Variants in SREBF2 observed in about 807,000 individuals in gnomAD.
SREBF2 encodes sterol regulatory element-binding protein 2.
A neutral mutation model predicts 113.1 loss-of-function variants in SREBF2; 55 were observed. That is an observed-to-expected ratio of 0.49 (90% CI 0.39 to 0.61). The LOEUF is 0.61. Ranked by LOEUF, SREBF2 falls within the 20% of genes least tolerant of loss-of-function variation. The pLI is 0.00. For synonymous variants in SREBF2, 593 were observed against 605.7 expected (o/e 0.98, Z 0.31); for missense variants, 1,349 against 1,487.4 (o/e 0.91, Z 1.53).
At chr22:41,854,430 G>C (rs1230660323) in intron 1 of SREBF2, among the ~76,000 whole-genome samples, 1 of 151,786 alleles carries the variant, frequency 6.6e-6, no homozygotes, top group Non-Finnish European at 1.5e-5. Context: ...CCAAAGTGCT[G>C]AGATTGCAGG....
At chr22:41,862,764 C>A (rs904948590) in intron 1 of SREBF2, among the ~76,000 whole-genome samples, 1 of 152,214 alleles carries the variant, frequency 6.6e-6, no homozygotes, top group Non-Finnish European at 1.5e-5. Flanking sequence ...GCGTGCCCTT[C>A]TGGAGCTTCC....
chr22:41,905,555 C>T lies in SREBF2; in HGVS notation c.3321C>T (p.Ala1107=), dbSNP rs780396823. The T allele has an allele frequency of 1.1e-5, 17 of 1,592,156 alleles. No individual in the cohort carries two copies. The highest frequency in any genetic ancestry group is 1.7e-4 in the Middle Eastern group (1 of 6,056). ...CGGGCCAGCGGGCAGTGCTGCTGGC[C>T]GAAGCTGCCCGCACCCTGGAGAAGG... ...SSPGQRAVLL[A]EAARTLEKVG... Residue 1107 remains alanine, a synonymous_variant, in exon 19 of 19, where the codon GCC becomes GCT. Transcript: ENST00000361204.
intron 7 of SREBF2, among the ~76,000 whole-genome samples, chr22:41,876,193 C>T (rs1312720505): frequency 6.6e-6 from 1 of 152,168 alleles, no homozygotes; most frequent in Non-Finnish European, 1.5e-5. Flanking sequence ...CGTCAAAGCC[C>T]CTGGCAATGG....
chr22:41,854,409 G>T (rs1216520689), intron 1 of SREBF2, among the ~76,000 whole-genome samples: 1 of 150,502 alleles, frequency 6.6e-6, no homozygotes, highest in Non-Finnish European at 1.5e-5. Context: ...TGATCCACCC[G>T]CCTCGGCCTC....
At position 41,898,714 on chromosome 22, in the gene SREBF2, G is replaced by C. The variant is rs1472537297; in HGVS notation, c.2671G>C (p.Asp891His). ...TGTGGCCATCAGCTGGCTCCAGGGA[G>C]ACGATGCAGCTGTGCGCTCTCATTT... ...ITVAISWLQG[D>H]DAAVRSHFTK... Residue 891 changes from aspartate to histidine, a missense_variant, in exon 15 of 19, where the codon GAC becomes CAC. This residue lies in a region of SREBF2 where 650 missense variants were observed against 644.1 expected (regional missense o/e 1.01). Transcript: ENST00000361204. 2 of 1,614,164 alleles carry C rather than the reference G, an allele frequency of 1.2e-6. No individual in the cohort carries two copies. The highest frequency in any genetic ancestry group is 2.2e-5 in the South Asian group (2 of 91,072).
At chr22:41,882,776 A>T (rs766908199) in intron 10 of SREBF2, among the ~76,000 whole-genome samples, 1 of 152,226 alleles carries the variant, frequency 6.6e-6, no homozygotes, top group African/African-American at 2.4e-5. Context: ...ACTGCATTCC[A>T]GCCTGGGCAA....
chr22:41,860,210 T>A (rs2077014644), intron 1 of SREBF2, among the ~76,000 whole-genome samples: 1 of 150,086 alleles, frequency 6.7e-6, no homozygotes. Context: ...AGAATAAGTA[T>A]CTATAATATC....
chr22:41,868,690 A>G lies in SREBF2; in HGVS notation c.618A>G (p.Val206=), dbSNP rs1357211834. 1.2e-6 allele frequency: 2 copies of G among 1,614,088 alleles called. No individual in the cohort carries two copies. Among genetic ancestry groups the G allele is most frequent in the African/African-American group, 2.7e-5 (2 of 74,924 alleles). Residue 206 remains valine, a synonymous_variant, in exon 3 of 19, where the codon GTA becomes GTG. Coordinates refer to ENST00000361204, the MANE Select transcript of SREBF2 (RefSeq NM_004599.4). ...PVTIQQQVQT[V]QAQRVLTQTA... is the part of the protein sequence containing the mutation. The stretch of plus-strand genomic sequence containing the variant: ...CCATTCAGCAGCAGGTGCAGACAGT[A>G]CAGGCCCAGCGGGTGCTGACACAAA...
chr22:41,868,753 G>C lies in SREBF2; in HGVS notation c.681G>C (p.Thr227=), dbSNP rs928320169. 2.5e-6 allele frequency: 4 copies of C among 1,613,818 alleles called. No homozygotes were observed. Among genetic ancestry groups the C allele is most frequent in the Non-Finnish European group, 3.4e-6 (4 of 1,179,868 alleles). ...CGCTGCAGACCCTTGCCCCGGCTAC[G>C]GTGCAGACAGTTGCTGCGCCACAGG... ...NGTLQTLAPA[T]VQTVAAPQVQ... is the part of the protein sequence containing the mutation. Residue 227 remains threonine, a synonymous_variant, in exon 3 of 19, where the codon ACG becomes ACC. Coordinates refer to ENST00000361204, the MANE Select transcript of SREBF2 (RefSeq NM_004599.4).
rs2077511312 is a variant in SREBF2, at chr22:41,906,603, T to C, written c.*943T>C. On this transcript the variant is annotated 3_prime_UTR_variant, in exon 19 of 19. Coordinates refer to ENST00000361204, the MANE Select transcript of SREBF2 (RefSeq NM_004599.4). Reference sequence around the variant, plus strand: ...ATGTTTCAACTTTACAATTGGTCTGTTGGGGTATTAAATGAATTTGTGACT... The same window carrying C: ...ATGTTTCAACTTTACAATTGGTCTGCTGGGGTATTAAATGAATTTGTGACT... The C allele has an allele frequency of 6.6e-6, 1 of 152,512 alleles. No homozygotes were observed. Among genetic ancestry groups the C allele is most frequent in the Non-Finnish European group, 1.5e-5 (1 of 68,250 alleles). The allele number at this position is 152,512 out of a possible 1,614,324, so 9.4% of individuals were successfully genotyped here.
At chr22:41,884,731 C>G in intron 10 of SREBF2, 111 bp from the exon 11 acceptor site, 1 of 1,164,226 alleles carries the variant, frequency 8.6e-7, no homozygotes, top group Non-Finnish European at 1.3e-6. Context: ...TCACAAAGTT[C>G]ACCTCGCTTC....
At chr22:41,854,414 G>A (rs941220794) in intron 1 of SREBF2, among the ~76,000 whole-genome samples, 2 of 150,866 alleles carry the variant, frequency 1.3e-5, no homozygotes, top group Non-Finnish European at 3.0e-5. Flanking sequence ...CACCCGCCTC[G>A]GCCTCCCAAA....
intron 15 of SREBF2, 47 bp from the exon 16 acceptor site, chr22:41,900,283 A>G (rs1602349327): frequency 6.2e-7 from 1 of 1,601,248 alleles, no homozygotes; most frequent in Non-Finnish European, 8.5e-7. Context: ...CCTGTCACGC[A>G]GGTGACACAT....
chr22:41,869,614 GC>G (rs1049091167), intron 3 of SREBF2, among the ~76,000 whole-genome samples: 1 of 151,170 alleles, frequency 6.6e-6, no homozygotes, highest in African/African-American at 2.4e-5. Context: ...CTCCCAAGTA[GC>G]TGGGATTACA....
At chr22:41,884,124 T>C (rs1357377087) in intron 10 of SREBF2, among the ~76,000 whole-genome samples, 1 of 151,802 alleles carries the variant, frequency 6.6e-6, no homozygotes, top group African/African-American at 2.4e-5. Flanking sequence ...TTGTGTATTG[T>C]GAAGGCGGGT....
chr22:41,890,138 T>C (rs2077344975), intron 11 of SREBF2, among the ~76,000 whole-genome samples: 1 of 152,216 alleles, frequency 6.6e-6, no homozygotes, highest in African/African-American at 2.4e-5. Context: ...GTGGAATGGC[T>C]CTTCACAAGC....
Position 41,834,678 on chromosome 22 carries a change from C to T in SREBF2, c.88+1320C>T, listed in dbSNP as rs151320359. ...ATTTTGCTTTTGTAATATTTCTCCC[C>T]TTGGTTTGTCCTTGATTTCCATTTT... On this transcript the variant is annotated intron_variant, in intron 1 of 18. Coordinates refer to ENST00000361204, the MANE Select transcript of SREBF2 (RefSeq NM_004599.4). 2.0e-5 allele frequency: 3 copies of T among 152,460 alleles called. No homozygotes were observed. In the East Asian group the frequency reaches 5.8e-4, roughly 29 times the overall value. The allele number at this position is 152,460 out of a possible 1,614,324, so 9.4% of individuals were successfully genotyped here. A position where few individuals can be genotyped will look rare whatever the true frequency, so the allele number is the denominator to read the frequency against.
Position 41,905,751 on chromosome 22 carries a change from T to C in SREBF2, c.*91T>C. ...CGCTGAGAGTGGTGGGGAAGAGCCT[T>C]GTCTTCTTAGCTGTCACCTGCCGAG... On this transcript the variant is annotated 3_prime_UTR_variant, in exon 19 of 19. Coordinates refer to ENST00000361204, the MANE Select transcript of SREBF2 (RefSeq NM_004599.4). 1.4e-6 allele frequency: 2 copies of C among 1,403,886 alleles called. No homozygotes were observed. Among genetic ancestry groups the C allele is most frequent in the Admixed American group, 2.0e-5 (1 of 50,800 alleles). 87.0% of individuals were successfully genotyped at this position (1,403,886 alleles called of 1,614,324 possible). A position where few individuals can be genotyped will look rare whatever the true frequency, so the allele number is the denominator to read the frequency against.
Position 41,880,741 on chromosome 22 carries a change from A to G in SREBF2, c.1787A>G (p.Asn596Ser), listed in dbSNP as rs770455183. ...ARGDFAAAAGNLQTCLAVLGR... is the reference protein window; with the variant it reads ...ARGDFAAAAGSLQTCLAVLGR... Reference sequence around the variant, plus strand: ...GGAGATTTTGCAGCTGCTGCCGGCAACCTACAAACCTGCCTGGCAGTTTTG... The same window carrying G: ...GGAGATTTTGCAGCTGCTGCCGGCAGCCTACAAACCTGCCTGGCAGTTTTG... The change falls in exon 10 of 19, where the codon AAC becomes AGC. Residue 596 changes from asparagine to serine, a missense_variant. Physicochemically the swap from Asn to Ser is conservative, Grantham distance 46. This residue lies in a region of SREBF2 where 699 missense variants were observed against 843.3 expected (regional missense o/e 0.83). Coordinates refer to ENST00000361204, the MANE Select transcript of SREBF2 (RefSeq NM_004599.4). 15 of 1,614,012 alleles carry G rather than the reference A, an allele frequency of 9.3e-6. No individual in the cohort carries two copies. The highest frequency in any genetic ancestry group is 4.2e-6 in the Non-Finnish European group (5 of 1,180,032).
Sources: gnomAD v4.1 joint callset for allele counts (sites outside exome capture counted in the v4.1 genomes callset) on GRCh38, gnomAD v4.1.1 for gene constraint, gnomAD v4.1.1 regional missense constraint, MANE v1.5 for transcripts, NCBI Gene and HGNC (gene_info 2026-07-23, HGNC 2026-07-21) for gene names.